SYNJ1: variants seen among roughly 807,000 people sequenced by gnomAD.
SYNJ1 encodes the protein synaptojanin 1, also known as polyphosphatidylinositol phosphatase SYNJ1.
In SYNJ1, 78 loss-of-function variants were observed where a neutral mutation model predicts 168.2. The ratio of observed to expected loss-of-function variants is 0.46; its 90% CI spans 0.39 to 0.56. The LOEUF (loss-of-function observed/expected upper bound fraction) is 0.56. Ranked by LOEUF, SYNJ1 falls within the 20% of genes least tolerant of loss-of-function variation. The pLI, the probability that SYNJ1 is intolerant of heterozygous loss-of-function variation, is 0.00. For missense variants in SYNJ1, 1,303 were observed against 1,597.6 expected, an observed-to-expected ratio of 0.82 and a Z score of 3.14; for synonymous variants, 539 against 548.6, an observed-to-expected ratio of 0.98 and a Z score of 0.24.
Position 32,699,486 on chromosome 21 carries a change from T to C in SYNJ1, c.479+352A>G, listed in dbSNP as rs377212980. 5.9e-5 allele frequency among the ~76,000 whole-genome samples: 9 copies of C among 152,316 alleles called. No homozygotes were observed. In the East Asian group the frequency reaches 1.7e-3, roughly 29 times the overall value. ...AGGAATTCCCCTTTGCCTTTTTCCT[T>C]CCTTATCAGGATCTACTTAACAACA... is the stretch of plus-strand genomic sequence containing the variant. On this transcript the variant is annotated intron_variant, in intron 4 of 32. Transcript: ENST00000674351.
intron 2 of SYNJ1, among the ~76,000 whole-genome samples, chr21:32,715,117 G>A (rs189022193): frequency 2.2e-3 from 334 of 152,248 alleles, no homozygotes; most frequent in African/African-American, 7.7e-3. Context: ...GACAACTAAT[G>A]AGCACTAAGG....
intron 1 of SYNJ1, 24 bp from the exon 2 acceptor site, chr21:32,726,941 G>A (rs1196633861): frequency 6.2e-7 from 1 of 1,611,150 alleles, no homozygotes; most frequent in South Asian, 1.1e-5. Context: ...GCAAAGCAAA[G>A]CAAATGAAGC....
At chr21:32,681,793 C>T in intron 10 of SYNJ1, 145 bp from the exon 11 acceptor site, 1 of 644,500 alleles carries the variant, frequency 1.6e-6, no homozygotes, top group South Asian at 3.2e-5. Flanking sequence ...GTTTACTAGG[C>T]TGAGTTATTT....
chr21:32,727,975 C>G lies in SYNJ1; in HGVS notation c.-52G>C. 7 of 1,535,220 alleles carry G rather than the reference C, an allele frequency of 4.6e-6. No homozygotes were observed. Among genetic ancestry groups the G allele is most frequent in the Non-Finnish European group, 5.2e-6 (6 of 1,146,074 alleles). ...TCCTCCGGCTCCTCCTCCTCCTTCTCCCGCAGCCGCCGCCACAGCCGCCGG... is the reference window on the plus strand; with the variant it reads ...TCCTCCGGCTCCTCCTCCTCCTTCTGCCGCAGCCGCCGCCACAGCCGCCGG... On this transcript the variant is annotated 5_prime_UTR_variant, in exon 1 of 33. Transcript: ENST00000674351.
At chr21:32,652,472 A>T (rs530785710) in intron 22 of SYNJ1, among the ~76,000 whole-genome samples, 2 of 152,204 alleles carry the variant, frequency 1.3e-5, no homozygotes, top group Non-Finnish European at 1.5e-5. Flanking sequence ...AAGTGCTGGG[A>T]TTACAGGCGT....
intron 4 of SYNJ1, among the ~76,000 whole-genome samples, chr21:32,696,666 A>T (rs997540094): frequency 1.3e-5 from 2 of 152,144 alleles, no homozygotes; most frequent in Admixed American, 1.3e-4. Flanking sequence ...TTCCTGTCTT[A>T]AATAAGGTAT....
At chr21:32,686,335 T>A (rs544497559) in intron 8 of SYNJ1, among the ~76,000 whole-genome samples, 1 of 152,170 alleles carries the variant, frequency 6.6e-6, no homozygotes. Context: ...ATTAAAAAAA[T>A]AGCTATAAAA....
chr21:32,680,081 A>G (rs983716928), intron 11 of SYNJ1, among the ~76,000 whole-genome samples: 2 of 152,180 alleles, frequency 1.3e-5, no homozygotes, highest in African/African-American at 4.8e-5. Context: ...AATAGCAAGA[A>G]TTATGTTGTT....
At chr21:32,664,784 T>G (rs2040858738) in intron 18 of SYNJ1, 129 bp downstream of exon 18, 1 of 697,646 alleles carries the variant, frequency 1.4e-6, no homozygotes, top group African/African-American at 1.8e-5. Flanking sequence ...AATTCTATTA[T>G]CTGTTTACCT....
At chr21:32,676,302 T>C (rs372640094) in intron 13 of SYNJ1, 30 bp downstream of exon 13, 2 of 1,532,952 alleles carry the variant, frequency 1.3e-6, no homozygotes, top group Non-Finnish European at 1.8e-6. Flanking sequence ...AAAATTGCTT[T>C]TATTTATAGA....
rs1326839704 is a variant in SYNJ1, at chr21:32,703,735, T to A, written c.125-1688A>T. Among the ~76,000 whole-genome samples, 7 of 152,006 alleles carry A rather than the reference T, an allele frequency of 4.6e-5. 1 individual carries two copies. The highest frequency in any genetic ancestry group is 1.7e-4 in the African/African-American group (7 of 41,490). On this transcript the variant is annotated intron_variant, in intron 2 of 32. Coordinates refer to ENST00000674351, the MANE Select transcript of SYNJ1 (RefSeq NM_203446.3). ...AGAAAATATAGTTTTATTTTTATTTTTATTTTTTTTTTTTGAGACAGAGGC... is the reference window on the plus strand; with the variant it reads ...AGAAAATATAGTTTTATTTTTATTTATATTTTTTTTTTTTGAGACAGAGGC...
intron 17 of SYNJ1, 39 bp downstream of exon 17, chr21:32,665,904 T>C (rs751231185): frequency 6.5e-7 from 1 of 1,529,002 alleles, no homozygotes; most frequent in South Asian, 1.3e-5. Context: ...AAAATATATT[T>C]CAAAGCTTTA....
At chr21:32,687,392 G>T (rs1025202873) in intron 7 of SYNJ1, among the ~76,000 whole-genome samples, 5 of 152,138 alleles carry the variant, frequency 3.3e-5, no homozygotes, top group Non-Finnish European at 7.3e-5. Context: ...AGGCAGTAAG[G>T]GCAGATGGCA....
chr21:32,722,205 A>AAAAAT (rs1286564956), intron 2 of SYNJ1, among the ~76,000 whole-genome samples: 26 of 65,750 alleles, frequency 4.0e-4, no homozygotes, highest in African/African-American at 1.1e-3. Context: ...AAAAAAAAAA[A>AAAAAT]ATATATATAT....
intron 23 of SYNJ1, among the ~76,000 whole-genome samples, chr21:32,649,231 C>T (rs1670715390): frequency 3.3e-5 from 5 of 152,180 alleles, no homozygotes; most frequent in Admixed American, 3.3e-4. Flanking sequence ...ATCTCCAGCA[C>T]CCAGCTGTAT....
chr21:32,727,777 TG>T, intron 1 of SYNJ1, 168 bp downstream of exon 1: 1 of 1,355,836 alleles, frequency 7.4e-7, no homozygotes, highest in Non-Finnish European at 9.7e-7. Context: ...GCACAACCAG[TG>T]GTCTGCTCAC....
At position 32,726,291 on chromosome 21, in the gene SYNJ1, C is replaced by T. The variant is rs781272428; in HGVS notation, c.124+481G>A. Among the ~76,000 whole-genome samples, 80 of 152,106 alleles carry T rather than the reference C, an allele frequency of 5.3e-4. 1 individual carries two copies. The highest frequency in any genetic ancestry group is 2.0e-4 in the Admixed American group (3 of 15,282). On this transcript the variant is annotated intron_variant, in intron 2 of 32. Coordinates refer to ENST00000674351, the MANE Select transcript of SYNJ1 (RefSeq NM_203446.3). ...TATCAAAATACTTTTAAAAATAATA[C>T]AAAATCAATCATGTATCTCACATGA...
intron 2 of SYNJ1, among the ~76,000 whole-genome samples, chr21:32,710,059 C>T (rs184668377): frequency 4.0e-5 from 6 of 151,678 alleles, no homozygotes; most frequent in Admixed American, 6.6e-5. Flanking sequence ...AAAAATTAGC[C>T]GGGCATGGTT....
chr21:32,686,048 A>T (rs2041827740), intron 8 of SYNJ1, 131 bp from the exon 9 acceptor site: 2 of 826,504 alleles, frequency 2.4e-6, no homozygotes, highest in East Asian at 5.8e-5. Flanking sequence ...TCCCTGAGAG[A>T]TACGGTGACA....
Sources: gnomAD v4.1 joint callset for allele counts (sites outside exome capture counted in the v4.1 genomes callset) on GRCh38, gnomAD v4.1.1 for gene constraint, MANE v1.5 for transcripts, NCBI Gene and HGNC (gene_info 2026-07-23, HGNC 2026-07-21) for gene names.